STAB2: variants seen among roughly 807,000 people sequenced by gnomAD.
STAB2 encodes the protein stabilin 2, also known as stabilin-2.
STAB2 carries 288 observed loss-of-function variants against 338.1 expected under a neutral mutation model. The observed-to-expected ratio is 0.85, with a 90% confidence interval of 0.77 to 0.94. The LOEUF is 0.94. Ranked by LOEUF, STAB2 falls within the 40% of genes least tolerant of loss-of-function variation. The probability of loss-of-function intolerance (pLI) is 0.00; values close to 1 mark genes in which losing one functional copy is unlikely to be tolerated. For synonymous variants in STAB2, 1,202 were observed against 1,193.3 expected, an observed-to-expected ratio of 1.01 and a Z score of -0.15; for missense variants, 3,141 against 3,210.1, an observed-to-expected ratio of 0.98 and a Z score of 0.52.
intron 60 of STAB2, among the ~76,000 whole-genome samples, chr12:103,751,988 A>G (rs1478843923): frequency 6.6e-6 from 1 of 152,152 alleles, no homozygotes; most frequent in African/African-American, 2.4e-5. Flanking sequence ...CTGCCCTCAC[A>G]CAGTTCATAG....
chr12:103,760,364 G>A (rs955688061), intron 65 of STAB2, among the ~76,000 whole-genome samples: 8 of 152,142 alleles, frequency 5.3e-5, no homozygotes, highest in Admixed American at 2.0e-4. Context: ...GGATTCAAGC[G>A]ATCCTCCTGC....
intron 3 of STAB2, among the ~76,000 whole-genome samples, chr12:103,598,269 A>G (rs1377009408): frequency 6.6e-6 from 1 of 152,192 alleles, no homozygotes; most frequent in Non-Finnish European, 1.5e-5. Flanking sequence ...GCACCTCTAG[A>G]GTTTCTTAGG....
At chr12:103,763,906 C>G (rs1348003458) in intron 68 of STAB2, 1 of 249,864 alleles carries the variant, frequency 4.0e-6, no homozygotes, top group Non-Finnish European at 7.5e-6. Context: ...GAAAAAAAGT[C>G]TTGGGCTGAA....
rs1244174964 is a variant in STAB2, at chr12:103,724,979, A to G, written c.4688A>G (p.Asn1563Ser). 1.2e-6 allele frequency: 2 copies of G among 1,613,484 alleles called. No individual in the cohort carries two copies. Among genetic ancestry groups the G allele is most frequent in the Non-Finnish European group, 1.7e-6 (2 of 1,179,504 alleles). ...GCCCCTTGGCAATTTTACCAGAAAAATGGCGGCTGTAGTGAATTTGCCATC... is the reference window on the plus strand; with the variant it reads ...GCCCCTTGGCAATTTTACCAGAAAAGTGGCGGCTGTAGTGAATTTGCCATC... ...CTLINVCLTK[N>S]GGCSEFAICN... The change falls in exon 45 of 69, where the codon AAT becomes AGT. Residue 1563 changes from asparagine (N) to serine (S), a missense_variant. Physicochemically the swap from Asn to Ser is conservative, Grantham distance 46. Transcript: ENST00000388887.
chr12:103,764,195 C>G (rs147843241), intron 68 of STAB2, among the ~76,000 whole-genome samples: 2 of 152,068 alleles, frequency 1.3e-5, no homozygotes, highest in Admixed American at 6.5e-5. Context: ...TCAGGTGATA[C>G]GCCCACCTCG....
chr12:103,691,477 C>T (rs978146547), intron 30 of STAB2, among the ~76,000 whole-genome samples: 1 of 151,992 alleles, frequency 6.6e-6, no homozygotes, highest in African/African-American at 2.4e-5. Context: ...AGTTATTTTC[C>T]ATCAGGTTTT....
chr12:103,652,815 C>T lies in STAB2; in HGVS notation c.1407+110C>T, dbSNP rs1358680428. 6 of 1,272,530 alleles carry T rather than the reference C, an allele frequency of 4.7e-6. No individual in the cohort carries two copies. In the South Asian group the frequency reaches 1.2e-4, roughly 25 times the overall value. 78.8% of individuals were successfully genotyped at this position (1,272,530 alleles called of 1,614,324 possible). A position where few individuals can be genotyped will look rare whatever the true frequency, so the allele number is the denominator to read the frequency against. On this transcript the variant is annotated intron_variant, in intron 12 of 68. Coordinates refer to ENST00000388887, the MANE Select transcript of STAB2 (RefSeq NM_017564.10). ...GTTTGTGAAAAATTACAAGGAAATT[C>T]TTTCCTCATGTATTATTTGTCAAAC...
intron 3 of STAB2, among the ~76,000 whole-genome samples, chr12:103,608,193 C>T (rs1957063542): frequency 6.6e-6 from 1 of 152,214 alleles, no homozygotes; most frequent in Admixed American, 6.5e-5. Flanking sequence ...GGCTGGAGTG[C>T]AGTGGTGCAA....
chr12:103,588,353 T>C (rs1956744200), intron 1 of STAB2, among the ~76,000 whole-genome samples: 1 of 152,208 alleles, frequency 6.6e-6, no homozygotes. Flanking sequence ...GGATCTCATT[T>C]TTCTGTTTAA....
intron 9 of STAB2, among the ~76,000 whole-genome samples, chr12:103,643,959 C>T (rs1404048883): frequency 9.0e-5 from 5 of 55,614 alleles, no homozygotes; most frequent in African/African-American, 2.5e-4. Flanking sequence ...AGGTGAGGGG[C>T]GCCTCTGCCT....
intron 27 of STAB2, among the ~76,000 whole-genome samples, chr12:103,685,462 G>A (rs796665081): frequency 1.8e-4 from 25 of 137,132 alleles, no homozygotes; most frequent in South Asian, 1.4e-3. Context: ...GTGCGCGTGC[G>A]TGTGTGTGTG....
chr12:103,763,920 T>C, intron 68 of STAB2: 1 of 225,640 alleles, frequency 4.4e-6, no homozygotes, highest in Non-Finnish European at 8.6e-6. Context: ...GGCTGAATTC[T>C]GCTGCAATCA....
In STAB2 at chr12:103,685,451, TGTGC is replaced by T. The variant is rs1566014225; in HGVS notation, c.2997+369_2997+372del. ...GTGTGTGTGTGTGTGTGTGTGTGTG[TGTGC>T]GCGTGCGTGTGTGTGTGCGTGCGCG... is the stretch of plus-strand genomic sequence containing the variant. On this transcript the variant is annotated intron_variant, in intron 27 of 68. Coordinates refer to ENST00000388887, the MANE Select transcript of STAB2 (RefSeq NM_017564.10). Among the ~76,000 whole-genome samples, 6 of 138,046 alleles carry T rather than the reference TGTGC, an allele frequency of 4.3e-5. No homozygotes were observed. In the South Asian group the frequency reaches 1.2e-3, roughly 27 times the overall value. 90.6% of individuals were successfully genotyped at this position (138,046 alleles called of 152,430 possible).
chr12:103,670,027 A>G (rs1487640325), intron 21 of STAB2, among the ~76,000 whole-genome samples: 1 of 152,232 alleles, frequency 6.6e-6, no homozygotes, highest in Non-Finnish European at 1.5e-5. Context: ...AGCAAAACCT[A>G]GTGAAATGTA....
chr12:103,734,396 CAT>C (rs561519399), intron 51 of STAB2, among the ~76,000 whole-genome samples: 43 of 150,676 alleles, frequency 2.9e-4, no homozygotes, highest in African/African-American at 6.6e-4. Context: ...CAAGCACAAT[CAT>C]ATGGGAGCAA....
chr12:103,737,602 T>TCTG, intron 52 of STAB2, 32 bp from the exon 53 acceptor site: 35 of 983,658 alleles, frequency 3.6e-5, no homozygotes, highest in Middle Eastern at 2.7e-4. Context: ...CTCTCTCTCT[T>TCTG]TCTCTTTTTT....
At chr12:103,747,639 C>T (rs1883172598) in intron 58 of STAB2, among the ~76,000 whole-genome samples, 1 of 152,136 alleles carries the variant, frequency 6.6e-6, no homozygotes, top group Non-Finnish European at 1.5e-5. Flanking sequence ...ACAAGGGAAC[C>T]TGGGAAATGT....
At position 103,740,679 on chromosome 12, in the gene STAB2, A is replaced by T. The variant is rs771243080; in HGVS notation, c.5804A>T (p.Glu1935Val). 6.2e-7 allele frequency: 1 copy of T among 1,611,920 alleles called. No homozygotes were observed. Among genetic ancestry groups the T allele is most frequent in the South Asian group, 1.1e-5 (1 of 90,642 alleles). ...AACCTGCCCTTCAAGAGGAACCTGGAAGGCTGCCGGGAGCGGTGCAGCCTG... is the reference window on the plus strand; with the variant it reads ...AACCTGCCCTTCAAGAGGAACCTGGTAGGCTGCCGGGAGCGGTGCAGCCTG... ...LYNLPFKRNL[E>V]GCRERCSLVI... Residue 1935 changes from glutamate to valine, a missense_variant, in exon 55 of 69, where the codon GAA becomes GTA. Glu to Val is a moderately radical substitution (Grantham distance 121, BLOSUM62 -2). Transcript: ENST00000388887.
intron 12 of STAB2, among the ~76,000 whole-genome samples, chr12:103,653,072 T>C (rs530250785): frequency 6.6e-6 from 1 of 152,270 alleles, no homozygotes; most frequent in African/African-American, 2.4e-5. Context: ...AAATAGATTG[T>C]ATTTGTTTTA....
Sources: allele counts gnomAD v4.1 joint callset (sites outside exome capture counted in the v4.1 genomes callset), GRCh38; gene constraint gnomAD v4.1.1; transcripts MANE v1.5; gene names NCBI Gene and HGNC (gene_info 2026-07-23, HGNC 2026-07-21).